Variants in C9orf85 observed in about 807,000 individuals in gnomAD.
The protein encoded by C9orf85 is uncharacterized protein C9orf85.
C9orf85 carries 16 observed loss-of-function variants against 14.9 expected under a neutral mutation model. The ratio of observed to expected loss-of-function variants is 1.08; its 90% CI spans 0.73 to 1.63. The LOEUF (loss-of-function observed/expected upper bound fraction) is 1.63. Ranked by LOEUF, C9orf85 falls within the 40% of genes most tolerant of loss-of-function variation. The pLI, the probability that C9orf85 is intolerant of heterozygous loss-of-function variation, is 0.00. For missense variants in C9orf85, 172 were observed against 186.1 expected (o/e 0.92, Z 0.44); for synonymous variants, 45 against 56.8 (o/e 0.79, Z 0.93).
In C9orf85 at chr9:71,980,559, T is replaced by C. The variant is rs192669407; in HGVS notation, c.324-2098T>C. Among the ~76,000 whole-genome samples, 247 of 152,278 alleles carry C rather than the reference T, an allele frequency of 1.6e-3. 1 individual carries two copies. Among genetic ancestry groups the C allele is most frequent in the African/African-American group, 5.8e-3 (241 of 41,566 alleles). On this transcript the variant is annotated intron_variant, in intron 3 of 3. Coordinates refer to the C9orf85 transcript ENST00000377031. ...TAAGATAAAATGATTTTTAAAACTA[T>C]ATTATTTACACTTCCCAACAGTGTA...
At chr9:71,943,542 GTTTT>G (rs776023739) in intron 1 of C9orf85, among the ~76,000 whole-genome samples, 2 of 149,616 alleles carry the variant, frequency 1.3e-5, no homozygotes, top group Non-Finnish European at 3.0e-5. Context: ...TCTTTTTTTT[GTTTT>G]TTGTTTTTTT....
intron 1 of C9orf85, among the ~76,000 whole-genome samples, chr9:71,927,956 C>G (rs1440435994): frequency 2.6e-5 from 4 of 151,988 alleles, no homozygotes; most frequent in Non-Finnish European, 5.9e-5. Flanking sequence ...GAGGCCAAGG[C>G]GGGTGGATCA....
chr9:71,927,474 C>T (rs186097877), intron 1 of C9orf85, among the ~76,000 whole-genome samples: 3 of 152,160 alleles, frequency 2.0e-5, no homozygotes, highest in Admixed American at 6.5e-5. Context: ...AAAGTAAACT[C>T]ATAGTTCCAG....
intron 3 of C9orf85, 94 bp downstream of exon 3, chr9:71,971,712 G>T (rs972081960): frequency 9.9e-6 from 8 of 809,118 alleles, no homozygotes; most frequent in Non-Finnish European, 1.6e-5. Context: ...AGTGGCTCAC[G>T]CCTGTAATCC....
At chr9:71,935,259 G>C (rs1828162541) in intron 1 of C9orf85, among the ~76,000 whole-genome samples, 1 of 152,062 alleles carries the variant, frequency 6.6e-6, no homozygotes, top group Non-Finnish European at 1.5e-5. Flanking sequence ...TTTCACTTCT[G>C]GGTATATCCC....
intron 1 of C9orf85, among the ~76,000 whole-genome samples, chr9:71,927,234 A>C (rs923018692): frequency 3.4e-5 from 5 of 149,098 alleles, no homozygotes; most frequent in African/African-American, 1.2e-4. Context: ...CTCATATGTC[A>C]GGGCAAAAAA....
intron 2 of C9orf85, among the ~76,000 whole-genome samples, chr9:71,952,482 AG>A (rs1283950609): frequency 6.6e-6 from 1 of 152,130 alleles, no homozygotes; most frequent in East Asian, 1.9e-4. Flanking sequence ...CTCCTGCCTC[AG>A]CCTCCCGAGT....
intron 1 of C9orf85, among the ~76,000 whole-genome samples, chr9:71,931,293 G>C (rs115634114): frequency 6.6e-6 from 1 of 152,156 alleles, no homozygotes; most frequent in East Asian, 1.9e-4. Context: ...TTTCCTGTCA[G>C]TTCAGAGATT....
downstream of C9orf85, among the ~76,000 whole-genome samples, chr9:71,974,867 A>G (rs1822973130): frequency 6.6e-6 from 1 of 152,222 alleles, no homozygotes; most frequent in African/African-American, 2.4e-5. Context: ...CTTTGTCTTA[A>G]TAATTGTATT....
At chr9:71,929,736 G>A (rs1220480340) in intron 1 of C9orf85, among the ~76,000 whole-genome samples, 1 of 151,636 alleles carries the variant, frequency 6.6e-6, no homozygotes, top group Non-Finnish European at 1.5e-5. Context: ...GTTAGAATAA[G>A]TCAAAACACT....
At position 71,972,882 on chromosome 9, in the gene C9orf85, G is replaced by A. The variant is rs765514113; in HGVS notation, c.*40G>A. The A allele has an allele frequency of 1.0e-5, 16 of 1,533,100 alleles. No individual in the cohort carries two copies. Among genetic ancestry groups the A allele is most frequent in the African/African-American group, 4.2e-5 (3 of 71,952 alleles). 95.0% of individuals were successfully genotyped at this position (1,533,100 alleles called of 1,614,324 possible). On this transcript the variant is annotated 3_prime_UTR_variant, in exon 4 of 4. Transcript: ENST00000334731. ...AAGTCTGCCGGGCACAGTGGCTCAC[G>A]CCTGTAATCCCAACACTTTGGGAGG...
intron 2 of C9orf85, among the ~76,000 whole-genome samples, chr9:71,950,824 C>T (rs1339161957): frequency 1.3e-5 from 2 of 152,144 alleles, no homozygotes; most frequent in Non-Finnish European, 2.9e-5. Flanking sequence ...ACATAAAATA[C>T]AGGGCATGGT....
rs552617923 is a variant in C9orf85, at chr9:71,962,987, T to C, written c.210-8518T>C. On this transcript the variant is annotated intron_variant, in intron 2 of 3. Coordinates refer to ENST00000334731, the MANE Select transcript of C9orf85 (RefSeq NM_182505.5). ...ACGATAATCACTTGAACCCGGGAAGTGGAGGTTGCAGTGAGCCGAGATTGC... is the reference window on the plus strand; with the variant it reads ...ACGATAATCACTTGAACCCGGGAAGCGGAGGTTGCAGTGAGCCGAGATTGC... 2.6e-5 allele frequency among the ~76,000 whole-genome samples: 4 copies of C among 152,056 alleles called. No individual in the cohort carries two copies. In the South Asian group the frequency reaches 6.2e-4, roughly 24 times the overall value.
At chr9:71,951,703 T>C (rs1822249983) in intron 2 of C9orf85, among the ~76,000 whole-genome samples, 1 of 152,170 alleles carries the variant, frequency 6.6e-6, no homozygotes, top group African/African-American at 2.4e-5. Flanking sequence ...TAAAGTTTTA[T>C]TTTTCAAGTG....
At chr9:71,968,476 A>G (rs1309986913) in intron 2 of C9orf85, among the ~76,000 whole-genome samples, 1 of 151,090 alleles carries the variant, frequency 6.6e-6, no homozygotes, top group Admixed American at 6.6e-5. Flanking sequence ...ATTTTTCTTT[A>G]ATGGATAGAG....
chr9:71,928,275 CCTT>C (rs1409932507), intron 1 of C9orf85, among the ~76,000 whole-genome samples: 1 of 151,044 alleles, frequency 6.6e-6, no homozygotes, highest in African/African-American at 2.4e-5. Flanking sequence ...CTATATGCCT[CCTT>C]CTCAATGCAA....
At chr9:71,942,014 T>G (rs1039945183) in intron 1 of C9orf85, 5 of 152,250 alleles carry the variant, frequency 3.3e-5, no homozygotes, top group African/African-American at 1.2e-4. Context: ...TTTCTGCAAG[T>G]TTGACATTTC....
chr9:71,943,455 G>A (rs1289233166), intron 1 of C9orf85, among the ~76,000 whole-genome samples: 1 of 152,060 alleles, frequency 6.6e-6, no homozygotes, highest in African/African-American at 2.4e-5. Flanking sequence ...TTCAGCATCA[G>A]CATGTTGATA....
At chr9:71,943,093 A>G (rs1233055460) in intron 1 of C9orf85, among the ~76,000 whole-genome samples, 1 of 152,150 alleles carries the variant, frequency 6.6e-6, no homozygotes, top group Admixed American at 6.5e-5. Flanking sequence ...AAAAGTTTCT[A>G]TTTCTGGAGT....
Sources: allele counts gnomAD v4.1 joint callset (sites outside exome capture counted in the v4.1 genomes callset), GRCh38; gene constraint gnomAD v4.1.1; transcripts MANE v1.5; gene names NCBI Gene and HGNC (gene_info 2026-07-23, HGNC 2026-07-21).